TAX1BP1: variants seen among roughly 807,000 people sequenced by gnomAD.
TAX1BP1 encodes tax1-binding protein 1.
In TAX1BP1, 62 loss-of-function variants were observed where a neutral mutation model predicts 97.7. The observed-to-expected ratio is 0.63, with a 90% CI of 0.52 to 0.78. The LOEUF (loss-of-function observed/expected upper bound fraction) is 0.78. Ranked by LOEUF, TAX1BP1 falls within the 30% of genes least tolerant of loss-of-function variation. The pLI is 0.00. For synonymous variants in TAX1BP1, 340 were observed against 304.2 expected, an observed-to-expected ratio of 1.12 and a Z score of -1.23; for missense variants, 867 against 916.1, an observed-to-expected ratio of 0.95 and a Z score of 0.69.
At position 27,828,599 on chromosome 7, in the gene TAX1BP1, C is replaced by T. The variant is rs766771249; in HGVS notation, c.2169-29C>T. 6.9e-6 allele frequency: 11 copies of T among 1,594,974 alleles called. No homozygotes were observed. In the Admixed American group the frequency reaches 1.7e-4, roughly 24 times the overall value. ...GTTGTTGTTCTACATTTATTAGAAA[C>T]ATGTAATTCTTTCATTTTTCTCTTT... On this transcript the variant is annotated intron_variant, in intron 16 of 16. Coordinates refer to ENST00000396319, the MANE Select transcript of TAX1BP1 (RefSeq NM_006024.7).
chr7:27,796,444 C>T (rs1179332783), intron 12 of TAX1BP1, among the ~76,000 whole-genome samples: 1 of 152,092 alleles, frequency 6.6e-6, no homozygotes, highest in African/African-American at 2.4e-5. Flanking sequence ...TTTCTTTTCA[C>T]CTAATAAAAT....
intron 12 of TAX1BP1, among the ~76,000 whole-genome samples, chr7:27,799,596 T>C (rs1261612941): frequency 6.6e-6 from 1 of 152,216 alleles, no homozygotes; most frequent in East Asian, 1.9e-4. Flanking sequence ...GAACTATTAA[T>C]ATTTTGGTTT....
At chr7:27,789,673 C>A (rs186178692) in intron 8 of TAX1BP1, among the ~76,000 whole-genome samples, 96 of 151,614 alleles carry the variant, frequency 6.3e-4, no homozygotes, top group South Asian at 1.2e-3. Context: ...ACATAATATT[C>A]CATTATATAG....
intron 13 of TAX1BP1, chr7:27,803,143 G>A (rs1790202360): frequency 1.3e-6 from 2 of 1,547,836 alleles, no homozygotes; most frequent in South Asian, 1.2e-5. Context: ...GAAATAAGTG[G>A]TCTGATTTCA....
chr7:27,787,217 T>C (rs1789523052), intron 7 of TAX1BP1, among the ~76,000 whole-genome samples: 1 of 152,102 alleles, frequency 6.6e-6, no homozygotes, highest in Admixed American at 6.5e-5. Flanking sequence ...CTCTGGAAAA[T>C]AAAAAAGCTT....
intron 8 of TAX1BP1, among the ~76,000 whole-genome samples, chr7:27,788,968 T>G (rs1019226682): frequency 2.6e-5 from 4 of 152,036 alleles, no homozygotes; most frequent in African/African-American, 9.7e-5. Context: ...CTTAGGATTC[T>G]TCCTTCCTTT....
At chr7:27,825,960 A>AT (rs562102853) in intron 15 of TAX1BP1, among the ~76,000 whole-genome samples, 21 of 151,236 alleles carry the variant, frequency 1.4e-4, no homozygotes, top group Non-Finnish European at 2.2e-4. Context: ...AATATTTTGG[A>AT]TTTTTTTTTC....
At chr7:27,804,870 T>C (rs1201511674) in intron 13 of TAX1BP1, among the ~76,000 whole-genome samples, 2 of 152,258 alleles carry the variant, frequency 1.3e-5, no homozygotes, top group Non-Finnish European at 2.9e-5. Flanking sequence ...CATCTTTTTT[T>C]AAACAGCTGT....
intron 13 of TAX1BP1, among the ~76,000 whole-genome samples, chr7:27,801,672 C>A (rs1270460601): frequency 2.0e-5 from 3 of 152,114 alleles, no homozygotes; most frequent in Non-Finnish European, 4.4e-5. Flanking sequence ...TCACACCACC[C>A]TAGGTAATCA....
intron 9 of TAX1BP1, 110 bp downstream of exon 9, chr7:27,792,340 A>G: frequency 9.7e-7 from 1 of 1,028,262 alleles, no homozygotes; most frequent in Admixed American, 2.8e-5. Context: ...CCTTATTTTA[A>G]ATTTAAAATT....
intron 11 of TAX1BP1, among the ~76,000 whole-genome samples, chr7:27,794,690 A>G (rs1182304463): frequency 2.0e-5 from 3 of 152,232 alleles, no homozygotes; most frequent in African/African-American, 7.2e-5. Flanking sequence ...GACTATTCAC[A>G]CATGTTAAAA....
intron 3 of TAX1BP1, among the ~76,000 whole-genome samples, chr7:27,761,024 A>G (rs908102600): frequency 6.6e-6 from 1 of 152,210 alleles, no homozygotes; most frequent in African/African-American, 2.4e-5. Context: ...AATTGTTAAC[A>G]TTATCTAATT....
At chr7:27,769,912 T>G in intron 5 of TAX1BP1, 78 bp downstream of exon 5, 1 of 1,420,186 alleles carries the variant, frequency 7.0e-7, no homozygotes, top group East Asian at 2.3e-5. Context: ...GCTGAACCAA[T>G]TAAGTAAGTG....
chr7:27,808,804 G>A (rs1434826032), intron 13 of TAX1BP1, among the ~76,000 whole-genome samples: 2 of 152,190 alleles, frequency 1.3e-5, no homozygotes, highest in Non-Finnish European at 2.9e-5. Context: ...TTCTTAAATT[G>A]TGGTGGCTAT....
Position 27,769,702 on chromosome 7 carries a change from A to G in TAX1BP1, c.480A>G (p.Glu160=), listed in dbSNP as rs747324915. Residue 160 remains glutamate, a synonymous_variant, in exon 5 of 17, where the codon GAA becomes GAG. Coordinates refer to ENST00000396319, the MANE Select transcript of TAX1BP1 (RefSeq NM_006024.7). ...LELKIEKTMK[E]KEELLKLIAV... ...TGAAAATTGAGAAAACCATGAAAGA[A>G]AAAGAAGAACTGTTAAAGTTAATTG... 5.0e-6 allele frequency: 8 copies of G among 1,608,630 alleles called. No homozygotes were observed. Among genetic ancestry groups the G allele is most frequent in the Non-Finnish European group, 6.8e-6 (8 of 1,178,152 alleles).
At position 27,800,060 on chromosome 7, in the gene TAX1BP1, T is replaced by A. The variant is rs757799838; in HGVS notation, c.1734T>A (p.Leu578=). 20 of 1,595,072 alleles carry A rather than the reference T, an allele frequency of 1.3e-5. No individual in the cohort carries two copies. The highest frequency in any genetic ancestry group is 1.6e-5 in the Non-Finnish European group (19 of 1,171,014). The change falls in exon 13 of 17, where the codon CTT becomes CTA. Residue 578 remains leucine (L), a synonymous_variant. Coordinates refer to ENST00000396319, the MANE Select transcript of TAX1BP1 (RefSeq NM_006024.7). ...EQVKIAENVK[L]ELAEVQDNYK... ...TGAAAATTGCTGAAAATGTAAAACT[T>A]GAACTAGCTGAAGTACAGGACAATT...
intron 5 of TAX1BP1, among the ~76,000 whole-genome samples, chr7:27,781,561 G>A (rs1273300180): frequency 2.0e-5 from 3 of 152,098 alleles, no homozygotes; most frequent in Non-Finnish European, 4.4e-5. Context: ...TACCTGTATA[G>A]GGCATTTACC....
At chr7:27,744,653 G>A (rs1787751430) in intron 1 of TAX1BP1, among the ~76,000 whole-genome samples, 1 of 151,782 alleles carries the variant, frequency 6.6e-6, no homozygotes, top group African/African-American at 2.4e-5. Flanking sequence ...TACATTTTTG[G>A]GCTAAAGTAA....
At chr7:27,788,858 G>T (rs1789591157) in intron 8 of TAX1BP1, among the ~76,000 whole-genome samples, 1 of 151,962 alleles carries the variant, frequency 6.6e-6, no homozygotes, top group Admixed American at 6.6e-5. Context: ...TTGAAACCAA[G>T]AACTGGATCC....
Sources: allele counts gnomAD v4.1 joint callset (sites outside exome capture counted in the v4.1 genomes callset), GRCh38; gene constraint gnomAD v4.1.1; transcripts MANE v1.5; gene names NCBI Gene and HGNC (gene_info 2026-07-23, HGNC 2026-07-21).